RBFOX1: variants seen among roughly 807,000 people sequenced by gnomAD.
RBFOX1 encodes the protein RNA binding protein fox-1 homolog 1.
Under a neutral mutation model 57.7 loss-of-function variants are expected in RBFOX1, and 8 were observed. That is an observed-to-expected ratio of 0.14 (90% CI 0.08 to 0.25). The LOEUF (loss-of-function observed/expected upper bound fraction) is 0.25, where lower values mean the gene tolerates loss of function less well. RBFOX1 is among the 10% of genes least tolerant of loss of function. The probability of loss-of-function intolerance (pLI) is 1.00; values close to 1 mark genes in which losing one functional copy is unlikely to be tolerated. For missense variants in RBFOX1, 611 were observed against 548.5 expected (o/e 1.11, Z -1.14); for synonymous variants, 326 against 222.4 (o/e 1.47, Z -4.15).
chr16:5,978,437 C>T (rs1290079033), intron 4 of RBFOX1, among the ~76,000 whole-genome samples: 2 of 152,170 alleles, frequency 1.3e-5, no homozygotes, highest in Non-Finnish European at 2.9e-5. Flanking sequence ...ATATGGTTTT[C>T]CCGACTGATA....
intron 2 of RBFOX1, among the ~76,000 whole-genome samples, chr16:6,495,575 G>A (rs1485191389): frequency 6.6e-6 from 1 of 152,176 alleles, no homozygotes; most frequent in Non-Finnish European, 1.5e-5. Context: ...TGGGTATATA[G>A]AATAATCAGC....
intron 4 of RBFOX1, among the ~76,000 whole-genome samples, chr16:7,280,893 A>G (rs1051905164): frequency 8.6e-5 from 13 of 151,740 alleles, no homozygotes; most frequent in Non-Finnish European, 1.8e-4. Flanking sequence ...CTCACTAAAG[A>G]AAGGGTACAT....
At chr16:5,279,225 T>C (rs2063213160) in intron 1 of RBFOX1, among the ~76,000 whole-genome samples, 1 of 152,198 alleles carries the variant, frequency 6.6e-6, no homozygotes, top group Non-Finnish European at 1.5e-5. Context: ...ATGAGATGCT[T>C]TTCCATTTGT....
chr16:6,620,651 T>A (rs530090179), intron 2 of RBFOX1, among the ~76,000 whole-genome samples: 21 of 151,076 alleles, frequency 1.4e-4, no homozygotes, highest in African/African-American at 4.6e-4. Context: ...GTAAACATAA[T>A]CAGAAATGAC....
chr16:7,493,235 A>C (rs2067500702), intron 4 of RBFOX1, among the ~76,000 whole-genome samples: 1 of 144,534 alleles, frequency 6.9e-6, no homozygotes, highest in African/African-American at 2.9e-5. Context: ...GAACAGACTA[A>C]CACACTCAGT....
In RBFOX1 at chr16:5,901,930, C is replaced by T. The variant is rs563185351; in HGVS notation, c.351+34595C>T. On this transcript the variant is annotated intron_variant, in intron 4 of 19. Transcript: ENST00000641259. ...CCTTTTGGAAGCCTTCTTTGGTTCT[C>T]CACCTAGAAGCGACTTATCCTACGT... is the stretch of plus-strand genomic sequence containing the variant. Among the ~76,000 whole-genome samples the T allele has an allele frequency of 2.6e-5, 4 of 152,298 alleles. No individual in the cohort carries two copies. In the South Asian group the frequency reaches 8.3e-4, roughly 32 times the overall value.
intron 4 of RBFOX1, among the ~76,000 whole-genome samples, chr16:5,921,196 A>T (rs565495405): frequency 2.6e-5 from 4 of 152,332 alleles, no homozygotes; most frequent in African/African-American, 9.6e-5. Context: ...AAAGCTAGAG[A>T]AACAAGAGTT....
intron 2 of RBFOX1, among the ~76,000 whole-genome samples, chr16:6,438,576 G>A (rs1270505543): frequency 2.0e-5 from 3 of 152,028 alleles, no homozygotes; most frequent in African/African-American, 4.8e-5. Flanking sequence ...AAGTTACCCC[G>A]GGATTTATCA....
chr16:5,967,386 A>G (rs577912323), intron 4 of RBFOX1, among the ~76,000 whole-genome samples: 1 of 152,284 alleles, frequency 6.6e-6, no homozygotes, highest in Non-Finnish European at 1.5e-5. Context: ...TGGTTTGATA[A>G]GATTTCCAGG....
rs11648263 is a variant in RBFOX1, at chr16:7,053,181, T to C, written c.27+1083T>C. 4.7e-3 allele frequency among the ~76,000 whole-genome samples: 714 copies of C among 152,308 alleles called. 14 individuals carry two copies. In the East Asian group the frequency reaches 0.073, roughly 16 times the overall value. ...TGTTGGCATCAGGTTTGTGAAGTACTTGGGTAAAATAAACAACAGAATCCA... is the reference window on the plus strand; with the variant it reads ...TGTTGGCATCAGGTTTGTGAAGTACCTGGGTAAAATAAACAACAGAATCCA... On this transcript the variant is annotated intron_variant, in intron 4 of 15. Transcript: ENST00000550418.
chr16:7,069,811 C>T (rs932802795), intron 4 of RBFOX1, among the ~76,000 whole-genome samples: 2 of 152,162 alleles, frequency 1.3e-5, no homozygotes, highest in Non-Finnish European at 2.9e-5. Flanking sequence ...AATTGTGTTC[C>T]TCCTATCCAT....
chr16:6,268,696 G>A (rs751768743), intron 1 of RBFOX1, among the ~76,000 whole-genome samples: 3 of 152,176 alleles, frequency 2.0e-5, no homozygotes, highest in African/African-American at 7.2e-5. Flanking sequence ...AAAGAGTCAG[G>A]TGTTTGTTCT....
At chr16:6,074,034 C>T (rs2095866773) in intron 1 of RBFOX1, among the ~76,000 whole-genome samples, 2 of 152,012 alleles carry the variant, frequency 1.3e-5, no homozygotes, top group African/African-American at 4.8e-5. Context: ...CTGCAAGCTC[C>T]ACCTCCTGGG....
chr16:6,341,902 T>C (rs1008207087), intron 2 of RBFOX1, among the ~76,000 whole-genome samples: 6 of 152,350 alleles, frequency 3.9e-5, no homozygotes, highest in Middle Eastern at 3.4e-3. Context: ...GTGATTCCAC[T>C]GAACCCACCT....
chr16:7,003,015 C>G (rs1041040255), intron 3 of RBFOX1, among the ~76,000 whole-genome samples: 1 of 146,602 alleles, frequency 6.8e-6, no homozygotes, highest in Admixed American at 6.8e-5. Context: ...TCTTGGTGGT[C>G]TTTTTTTTTC....
intron 14 of RBFOX1, among the ~76,000 whole-genome samples, chr16:7,697,515 A>G (rs1395449091): frequency 6.6e-6 from 1 of 151,462 alleles, no homozygotes; most frequent in Non-Finnish European, 1.5e-5. Flanking sequence ...TGATATACAT[A>G]CATGCATGTA....
chr16:5,454,301 C>G (rs1007846613), intron 1 of RBFOX1, among the ~76,000 whole-genome samples: 2 of 152,168 alleles, frequency 1.3e-5, no homozygotes, highest in African/African-American at 2.4e-5. Context: ...AGCAAACCAC[C>G]CTAAACTTAG....
intron 1 of RBFOX1, among the ~76,000 whole-genome samples, chr16:5,260,362 A>G (rs1018977466): frequency 2.3e-4 from 35 of 152,220 alleles, no homozygotes; most frequent in African/African-American, 1.9e-4. Flanking sequence ...ATTCCTTGCT[A>G]TGCACAAAGA....
chr16:7,160,562 A>C (rs2078099606), intron 4 of RBFOX1, among the ~76,000 whole-genome samples: 1 of 152,160 alleles, frequency 6.6e-6, no homozygotes, highest in Admixed American at 6.6e-5. Flanking sequence ...TGATTCAATG[A>C]AGATTACCTG....
Sources: gnomAD v4.1 joint callset for allele counts (sites outside exome capture counted in the v4.1 genomes callset) on GRCh38, gnomAD v4.1.1 for gene constraint, MANE v1.5 for transcripts, NCBI Gene and HGNC (gene_info 2026-07-23, HGNC 2026-07-21) for gene names.